Variants in MAGI2 observed in about 807,000 individuals in gnomAD.
The protein encoded by MAGI2 is membrane-associated guanylate kinase, WW and PDZ domain-containing protein 2.
In MAGI2, 35 loss-of-function variants were observed where a neutral mutation model predicts 133.3. The ratio of observed to expected loss-of-function variants is 0.26; its 90% CI spans 0.20 to 0.35. MAGI2 has a LOEUF of 0.35. Ranked by LOEUF, MAGI2 falls within the 10% of genes least tolerant of loss-of-function variation. The pLI is 1.00. For missense variants in MAGI2, 1,636 were observed against 1,863.4 expected, an observed-to-expected ratio of 0.88 and a Z score of 2.25; for synonymous variants, 729 against 710.6, an observed-to-expected ratio of 1.03 and a Z score of -0.41.
chr7:78,980,168 G>GTT (rs974459858), intron 2 of MAGI2, among the ~76,000 whole-genome samples: 1 of 147,604 alleles, frequency 6.8e-6, no homozygotes, highest in Non-Finnish European at 1.5e-5. Flanking sequence ...TCTGTTCTTT[G>GTT]TTTTTTTTTT....
chr7:78,994,924 T>A (rs1300347668), intron 2 of MAGI2, among the ~76,000 whole-genome samples: 1 of 152,112 alleles, frequency 6.6e-6, no homozygotes, highest in Non-Finnish European at 1.5e-5. Context: ...GGGACTCTTA[T>A]GAACACCTAT....
chr7:78,995,212 G>A (rs1235454301), intron 2 of MAGI2, among the ~76,000 whole-genome samples: 1 of 151,988 alleles, frequency 6.6e-6, no homozygotes, highest in African/African-American at 2.4e-5. Flanking sequence ...TCTTAAAAGA[G>A]TTTACAAGTT....
At chr7:79,098,902 C>T (rs754873816) in intron 1 of MAGI2, among the ~76,000 whole-genome samples, 7 of 152,194 alleles carry the variant, frequency 4.6e-5, no homozygotes, top group African/African-American at 7.2e-5. Context: ...ACAAGGAATG[C>T]GCAAAGTTGC....
chr7:78,891,423 A>C (rs1292145513), intron 2 of MAGI2, among the ~76,000 whole-genome samples: 3 of 152,172 alleles, frequency 2.0e-5, no homozygotes, highest in African/African-American at 7.2e-5. Flanking sequence ...GAGACACAAC[A>C]GAAAAAGAGA....
intron 3 of MAGI2, among the ~76,000 whole-genome samples, chr7:78,625,055 G>T (rs111518728): frequency 6.6e-6 from 1 of 152,038 alleles, no homozygotes; most frequent in Non-Finnish European, 1.5e-5. Flanking sequence ...AAGATGTGAA[G>T]GTGGAAGACA....
At chr7:78,621,467 G>C (rs148824295) in intron 3 of MAGI2, among the ~76,000 whole-genome samples, 5 of 152,016 alleles carry the variant, frequency 3.3e-5, no homozygotes, top group Admixed American at 1.3e-4. Flanking sequence ...GAAATCATCC[G>C]AGTCATGGAA....
rs539203138 is a variant in MAGI2 at position 79,221,840 on chromosome 7, G to A, written c.302-214634C>T. On this transcript the variant is annotated intron_variant, in intron 1 of 21. Transcript: ENST00000354212. ...GGCAAAGGTCTGGATTGGGGTATTA[G>A]TAGTGGACACAGGAAAGATGGATTG... Among the ~76,000 whole-genome samples the A allele has an allele frequency of 2.0e-5, 3 of 152,114 alleles. No homozygotes were observed. The South Asian group carries it at 6.2e-4, about 32-fold the overall frequency.
At chr7:79,329,548 C>T (rs7804010) in intron 1 of MAGI2, among the ~76,000 whole-genome samples, 7,874 of 152,200 alleles carry the variant, frequency 0.052, 651 homozygotes, top group African/African-American at 0.18. Flanking sequence ...TGGAAGAAGC[C>T]ATCCGTATTA....
chr7:78,363,289 T>A (rs142700383), intron 7 of MAGI2, among the ~76,000 whole-genome samples: 2 of 152,166 alleles, frequency 1.3e-5, no homozygotes, highest in South Asian at 4.1e-4. Context: ...GTCAGGAGAT[T>A]GAGACCATCC....
intron 1 of MAGI2, among the ~76,000 whole-genome samples, chr7:79,014,801 C>G (rs1455690765): frequency 6.6e-6 from 1 of 152,030 alleles, no homozygotes; most frequent in Admixed American, 6.6e-5. Context: ...CACTGTTGTC[C>G]AAAATATCTA....
At chr7:78,723,482 A>G (rs1820462597) in intron 2 of MAGI2, among the ~76,000 whole-genome samples, 1 of 152,178 alleles carries the variant, frequency 6.6e-6, no homozygotes, top group African/African-American at 2.4e-5. Flanking sequence ...GACTGCTTCA[A>G]GGGGGAGAGG....
intron 9 of MAGI2, among the ~76,000 whole-genome samples, chr7:78,276,791 A>G (rs1239365551): frequency 2.0e-5 from 3 of 152,184 alleles, no homozygotes; most frequent in Non-Finnish European, 4.4e-5. Flanking sequence ...GAGAATAGTA[A>G]TATCACTGGT....
At chr7:78,948,301 C>CA (rs1801596783) in intron 2 of MAGI2, among the ~76,000 whole-genome samples, 1 of 149,474 alleles carries the variant, frequency 6.7e-6, no homozygotes, top group Non-Finnish European at 1.5e-5. Flanking sequence ...TTTATTTCTA[C>CA]TTTTTTTTTT....
intron 6 of MAGI2, among the ~76,000 whole-genome samples, chr7:78,461,383 CGTGTGTGTGCGTGTGTGT>C (rs1316851552): frequency 1.3e-3 from 118 of 92,724 alleles, no homozygotes; most frequent in Admixed American, 3.9e-3. Flanking sequence ...TTCCTGGACA[CGTGTGTGTGCGTGTGTGT>C]GTGTGTGTGT....
chr7:78,885,387 G>C (rs1297203993), intron 2 of MAGI2, among the ~76,000 whole-genome samples: 2 of 152,138 alleles, frequency 1.3e-5, no homozygotes, highest in Non-Finnish European at 2.9e-5. Context: ...GGTTAACTTT[G>C]TTGATAAGTG....
intron 20 of MAGI2, among the ~76,000 whole-genome samples, chr7:78,086,394 C>A (rs554207820): frequency 6.6e-6 from 1 of 150,670 alleles, no homozygotes; most frequent in Non-Finnish European, 1.5e-5. Context: ...CACTCCACCA[C>A]GCTTGGCTAA....
intron 10 of MAGI2, among the ~76,000 whole-genome samples, chr7:78,230,947 C>G (rs936841316): frequency 6.6e-6 from 1 of 152,134 alleles, no homozygotes; most frequent in Admixed American, 6.6e-5. Flanking sequence ...TCTCAAGAGC[C>G]TTGGGGAGGA....
At chr7:78,590,374 T>A (rs1477645146) in intron 3 of MAGI2, among the ~76,000 whole-genome samples, 1 of 152,182 alleles carries the variant, frequency 6.6e-6, no homozygotes, top group Admixed American at 6.5e-5. Flanking sequence ...CAAGGATGAC[T>A]GGCATAACTC....
intron 1 of MAGI2, among the ~76,000 whole-genome samples, chr7:79,404,710 G>A (rs727390): frequency 0.39 from 59,172 of 151,786 alleles, 12,989 homozygotes; most frequent in East Asian, 0.7. Context: ...AACTTTCCAA[G>A]GAGTTAAGAA....
Sources: allele counts gnomAD v4.1 joint callset (sites outside exome capture counted in the v4.1 genomes callset), GRCh38; gene constraint gnomAD v4.1.1; transcripts MANE v1.5; gene names NCBI Gene and HGNC (gene_info 2026-07-23, HGNC 2026-07-21).